OR52I2: variants seen among roughly 807,000 people sequenced by gnomAD.
The protein encoded by OR52I2 is olfactory receptor 52I2.
For missense variants in OR52I2, 350 were observed against 402.4 expected (o/e 0.87, Z 1.11); for synonymous variants, 147 against 151.9 (o/e 0.97, Z 0.24).
chr11:4,585,995 T>C (rs1446781610), intron 1 of OR52I2, among the ~76,000 whole-genome samples: 5 of 152,218 alleles, frequency 3.3e-5, no homozygotes, highest in Admixed American at 3.3e-4. Context: ...CTTGGTAGTT[T>C]ATCATGAAAA....
At chr11:4,587,701 G>C (rs1002117392) in exon 2 of OR52I2, 7 of 1,614,190 alleles carry the variant, frequency 4.3e-6, no homozygotes, top group Non-Finnish European at 5.9e-6. Flanking sequence ...GTTGGGGCAG[G>C]ATGTAGTGCC....
chr11:4,582,433 C>CCTTTTTTTTTTT (rs1564859030), intron 1 of OR52I2, among the ~76,000 whole-genome samples: 3 of 74,664 alleles, frequency 4.0e-5, no homozygotes, highest in Non-Finnish European at 5.3e-5. Context: ...ATTTATTTTT[C>CCTTTTTTTTTTT]ATTTTTTTTT....
exon 2 of OR52I2, chr11:4,591,678 C>G (rs1846351651): frequency 6.6e-6 from 1 of 152,162 alleles, no homozygotes; most frequent in Non-Finnish European, 1.5e-5. Flanking sequence ...ATTTGAAGCA[C>G]TAATTTAGCC....
At chr11:4,586,879 G>T in exon 2 of OR52I2, 1 of 1,614,078 alleles carries the variant, frequency 6.2e-7, no homozygotes, top group South Asian at 1.1e-5. Context: ...CAGGAAAAAA[G>T]TCTCACTTGT....
intron 1 of OR52I2, among the ~76,000 whole-genome samples, chr11:4,585,941 G>A (rs1368374972): frequency 1.3e-5 from 2 of 152,118 alleles, no homozygotes; most frequent in Admixed American, 1.3e-4. Flanking sequence ...ATAATAAAGT[G>A]CCTAACTTTC....
chr11:4,588,798 T>C (rs1846329308), exon 2 of OR52I2: 1 of 152,214 alleles, frequency 6.6e-6, no homozygotes, highest in African/African-American at 2.4e-5. Flanking sequence ...GTTATTAGAA[T>C]TTAGCTCTTG....
intron 1 of OR52I2, among the ~76,000 whole-genome samples, chr11:4,585,512 TG>T (rs892680026): frequency 6.6e-6 from 1 of 152,170 alleles, no homozygotes; most frequent in African/African-American, 2.4e-5. Context: ...ACTTCTATTT[TG>T]GGTTCTCCAG....
At chr11:4,587,875 C>T (rs746194772) in exon 2 of OR52I2, 1 of 1,601,222 alleles carries the variant, frequency 6.2e-7, no homozygotes, top group Non-Finnish European at 8.5e-7. Flanking sequence ...AACACAATAT[C>T]TGTTCAGATC....
At chr11:4,590,437 T>C (rs1447378557) in exon 2 of OR52I2, 3 of 152,192 alleles carry the variant, frequency 2.0e-5, no homozygotes, top group Non-Finnish European at 2.9e-5. Context: ...TGTCCTGTTC[T>C]TTGCAAAGAC....
At chr11:4,593,193 G>C (rs1423031003) in exon 2 of OR52I2, 1 of 152,450 alleles carries the variant, frequency 6.6e-6, no homozygotes, top group African/African-American at 2.4e-5. Context: ...TGGTTATCAG[G>C]AAGAGGGAGT....
rs1846305437 is a variant in OR52I2, at chr11:4,586,867, A to C, written c.-19-5A>C. 6.2e-7 allele frequency: 1 copy of C among 1,614,156 alleles called. No individual in the cohort carries two copies. Among genetic ancestry groups the C allele is most frequent in the African/African-American group, 1.3e-5 (1 of 75,060 alleles). On this transcript the variant is annotated splice_region_variant and splice_polypyrimidine_tract_variant and intron_variant, in intron 1 of 1. Transcript: ENST00000641896. Reference sequence around the variant, plus strand: ...TCTTCTCATACATCATTTGTGCATTAACAGGAAAAAAGTCTCACTTGTGAT... The same window carrying C: ...TCTTCTCATACATCATTTGTGCATTCACAGGAAAAAAGTCTCACTTGTGAT...
At chr11:4,588,103 A>G in exon 2 of OR52I2, 1 of 526,730 alleles carries the variant, frequency 1.9e-6, no homozygotes, top group African/African-American at 1.9e-5. Context: ...TACACATTTG[A>G]TTGAACTTAT....
At chr11:4,586,755 T>G (rs1307431769) in intron 1 of OR52I2, 117 bp from the exon 2 acceptor site, 32 of 1,467,076 alleles carry the variant, frequency 2.2e-5, no homozygotes, top group Non-Finnish European at 1.8e-5. Flanking sequence ...AGATGCCACA[T>G]TTTTGATCCT....
At chr11:4,583,686 A>G (rs1290803500) in intron 1 of OR52I2, among the ~76,000 whole-genome samples, 1 of 152,148 alleles carries the variant, frequency 6.6e-6, no homozygotes, top group Admixed American at 6.5e-5. Context: ...GGAGCTCACT[A>G]CTCTATTCAA....
exon 2 of OR52I2, chr11:4,587,730 G>C (rs1846318829): frequency 6.2e-7 from 1 of 1,614,040 alleles, no homozygotes; most frequent in Admixed American, 1.7e-5. Context: ...CCCAAGTCCT[G>C]CTAGCTGACC....
exon 2 of OR52I2, chr11:4,587,586 C>T (rs1448218965): frequency 1.3e-5 from 21 of 1,613,992 alleles, no homozygotes; most frequent in Non-Finnish European, 1.8e-5. Context: ...TATTTGGTCT[C>T]TCCTCAAAGA....
chr11:4,583,865 T>A lies in OR52I2; in HGVS notation c.-20+2001T>A, dbSNP rs147980578. Reference sequence around the variant, plus strand: ...TGTTGGCACCTGGGTGTGGAGTCAATCAGTGCTAGGCTTTCTAGGAGGTTA... The same window carrying A: ...TGTTGGCACCTGGGTGTGGAGTCAAACAGTGCTAGGCTTTCTAGGAGGTTA... On this transcript the variant is annotated intron_variant, in intron 1 of 1. Coordinates refer to ENST00000641896, the Ensembl canonical transcript of OR52I2. Among the ~76,000 whole-genome samples the A allele has an allele frequency of 6.1e-3, 931 of 152,350 alleles. 1 individual carries two copies. Among genetic ancestry groups the A allele is most frequent in the Middle Eastern group, 0.014 (4 of 294 alleles).
At position 4,587,377 on chromosome 11, in the gene OR52I2, C is replaced by A. The variant is rs1394056837; in HGVS notation, c.487C>A (p.Leu163Met). 14 of 1,613,638 alleles carry A rather than the reference C, an allele frequency of 8.7e-6. No homozygotes were observed. The highest frequency in any genetic ancestry group is 1.2e-5 in the Non-Finnish European group (14 of 1,180,008). ...CAGAGCTATCATAGCCATAACTCCA[C>A]TGAGTTGGATGGTGAGTCATCTACC... The change falls in exon 2 of 2, where the codon CTG becomes ATG. Residue 163 changes from leucine to methionine, a missense_variant. Leu to Met is a conservative substitution (Grantham distance 15). Coordinates refer to ENST00000641896, the Ensembl canonical transcript of OR52I2.
At chr11:4,583,444 G>A (rs1438288447) in intron 1 of OR52I2, among the ~76,000 whole-genome samples, 1 of 152,152 alleles carries the variant, frequency 6.6e-6, no homozygotes, top group East Asian at 1.9e-4. Context: ...TGGGGAAGAG[G>A]CTGTTTGGAT....
Sources: gnomAD v4.1 joint callset for allele counts (sites outside exome capture counted in the v4.1 genomes callset) on GRCh38, gnomAD v4.1.1 for gene constraint, MANE v1.5 for transcripts, NCBI Gene and HGNC (gene_info 2026-07-23, HGNC 2026-07-21) for gene names.